Variants in LGR4 observed in about 807,000 individuals in gnomAD.
LGR4 encodes the protein leucine rich repeat containing G protein-coupled receptor 4.
A neutral mutation model predicts 84.8 loss-of-function variants in LGR4; 44 were observed. The ratio of observed to expected loss-of-function variants is 0.52; its 90% confidence interval spans 0.41 to 0.67. The LOEUF (loss-of-function observed/expected upper bound fraction) is 0.67. LGR4 is among the 30% of genes least tolerant of loss of function. The probability of loss-of-function intolerance (pLI) is 0.00; values close to 1 mark genes in which losing one functional copy is unlikely to be tolerated. For missense variants in LGR4, 1,032 were observed against 1,131.4 expected (o/e 0.91, Z 1.26); for synonymous variants, 429 against 434.3 (o/e 0.99, Z 0.15).
intron 1 of LGR4, among the ~76,000 whole-genome samples, chr11:27,443,777 T>A (rs1368364353): frequency 2.6e-5 from 4 of 152,140 alleles, no homozygotes; most frequent in Non-Finnish European, 5.9e-5. Context: ...CATCACAACA[T>A]CCTTGTGGTA....
intron 1 of LGR4, among the ~76,000 whole-genome samples, chr11:27,416,048 C>G (rs1410511038): frequency 6.6e-6 from 1 of 152,080 alleles, no homozygotes; most frequent in Non-Finnish European, 1.5e-5. Flanking sequence ...GAATTTTCAG[C>G]CAGAAGATGC....
intron 1 of LGR4, among the ~76,000 whole-genome samples, chr11:27,463,603 T>G (rs935224971): frequency 6.6e-6 from 1 of 151,932 alleles, no homozygotes; most frequent in African/African-American, 2.4e-5. Context: ...CTGGCCAACA[T>G]GGTGAAACCC....
chr11:27,434,600 C>A (rs1864175304), intron 1 of LGR4, among the ~76,000 whole-genome samples: 1 of 152,128 alleles, frequency 6.6e-6, no homozygotes. Context: ...GAAGCCCCTG[C>A]CTTGCCAGAG....
chr11:27,458,280 C>T (rs371015694), intron 1 of LGR4, among the ~76,000 whole-genome samples: 3 of 152,034 alleles, frequency 2.0e-5, no homozygotes, highest in Non-Finnish European at 2.9e-5. Context: ...GGCAAAACTA[C>T]ATAAAGTGAG....
intron 1 of LGR4, among the ~76,000 whole-genome samples, chr11:27,425,338 GT>G (rs59946931): frequency 1.7e-4 from 23 of 136,766 alleles, no homozygotes; most frequent in South Asian, 7.0e-4. Flanking sequence ...TTTTTTTTTT[GT>G]TTTTTTTTTT....
intron 1 of LGR4, among the ~76,000 whole-genome samples, chr11:27,438,039 G>A (rs986684742): frequency 4.6e-5 from 7 of 151,976 alleles, no homozygotes; most frequent in Admixed American, 4.6e-4. Context: ...AAAAGACATA[G>A]AAACCATAGA....
At chr11:27,376,160 G>GAC in intron 13 of LGR4, 139 bp downstream of exon 13, 1 of 572,958 alleles carries the variant, frequency 1.7e-6, no homozygotes, top group Admixed American at 2.9e-5. Flanking sequence ...GTATTTAGTA[G>GAC]AGATGGGGTT....
Position 27,368,632 on chromosome 11 carries a change from A to T in LGR4, c.2091T>A (p.Pro697=), listed in dbSNP as rs777415284. ...ATCCTAATGATGGCGTTTCACCTGT[A>T]GGAAATGGCAAACAAAGGGGTGATG... ...YSASPLCLPF[P]TGETPSLGFT... Residue 697 remains proline (P), a synonymous_variant, in exon 18 of 18, where the codon CCT becomes CCA. Transcript: ENST00000379214. 6.2e-7 allele frequency: 1 copy of T among 1,614,000 alleles called. No individual in the cohort carries two copies. Among genetic ancestry groups the T allele is most frequent in the Non-Finnish European group, 8.5e-7 (1 of 1,179,984 alleles).
chr11:27,367,740 C>A lies in LGR4; in HGVS notation c.*127G>T. The A allele has an allele frequency of 1.5e-6, 1 of 651,378 alleles. No homozygotes were observed. The highest frequency in any genetic ancestry group is 2.6e-6 in the Non-Finnish European group (1 of 390,032). The allele number at this position is 651,378 out of a possible 1,614,324, so 40.3% of individuals were successfully genotyped here. On this transcript the variant is annotated 3_prime_UTR_variant, in exon 18 of 18. Transcript: ENST00000379214. ...ACTGGTTTGAGAAATAAACTGCCAC[C>A]TCTCCTTCTTCTAAGTGACACCAGG...
intron 15 of LGR4, 94 bp from the exon 16 acceptor site, chr11:27,372,492 C>A: frequency 1.3e-6 from 1 of 761,428 alleles, no homozygotes; most frequent in Non-Finnish European, 2.3e-6. Flanking sequence ...AAACCTCAGC[C>A]TAGGAGTCAG....
At chr11:27,433,387 A>C (rs180704627) in intron 1 of LGR4, among the ~76,000 whole-genome samples, 13 of 119,072 alleles carry the variant, frequency 1.1e-4, no homozygotes, top group East Asian at 5.2e-4. Flanking sequence ...CGGCTAATTT[A>C]TTTTTATTTC....
At position 27,378,677 on chromosome 11, in the gene LGR4, G is replaced by A. The variant is rs778873919; in HGVS notation, c.1043+20C>T. 1 of 1,518,014 alleles carries A rather than the reference G, an allele frequency of 6.6e-7. No homozygotes were observed. Among genetic ancestry groups the A allele is most frequent in the Non-Finnish European group, 9.1e-7 (1 of 1,095,036 alleles). The allele number at this position is 1,518,014 out of a possible 1,614,324, so 94.0% of individuals were successfully genotyped here. ...TATAAACAAAAGGTATGAGGGGAAG[G>A]GAAGAAGAATCCAACTTACAAAGTC... On this transcript the variant is annotated intron_variant, in intron 11 of 17. Transcript: ENST00000379214.
chr11:27,437,007 T>A (rs1864223683), intron 1 of LGR4, among the ~76,000 whole-genome samples: 1 of 152,104 alleles, frequency 6.6e-6, no homozygotes, highest in Non-Finnish European at 1.5e-5. Flanking sequence ...TAGTTTTAAT[T>A]TCAAAAAATC....
At chr11:27,444,686 A>C (rs1027277540) in intron 1 of LGR4, among the ~76,000 whole-genome samples, 1 of 152,246 alleles carries the variant, frequency 6.6e-6, no homozygotes, top group African/African-American at 2.4e-5. Flanking sequence ...AAATATCCAT[A>C]GCCTAATTAA....
chr11:27,392,280 AG>A (rs1226390149), intron 3 of LGR4, among the ~76,000 whole-genome samples, 166 bp downstream of exon 3: 3 of 152,148 alleles, frequency 2.0e-5, no homozygotes, highest in Non-Finnish European at 4.4e-5. Context: ...ATCTAGATGC[AG>A]GGTTGCCTAA....
intron 1 of LGR4, among the ~76,000 whole-genome samples, chr11:27,419,338 T>A (rs896964350): frequency 2.0e-5 from 3 of 151,742 alleles, no homozygotes; most frequent in Middle Eastern, 3.2e-3. Flanking sequence ...ACGAAGGAAA[T>A]GCAAATCAGA....
At chr11:27,374,100 C>A (rs1055908844) in intron 13 of LGR4, 54 bp from the exon 14 acceptor site, 29 of 1,070,526 alleles carry the variant, frequency 2.7e-5, no homozygotes, top group Non-Finnish European at 3.6e-5. Flanking sequence ...CAGAATGCCA[C>A]TTACTTAGAC....
chr11:27,412,672 C>T, intron 2 of LGR4, 117 bp downstream of exon 2: 1 of 745,732 alleles, frequency 1.3e-6, no homozygotes, highest in Non-Finnish European at 2.4e-6. Context: ...ACAAAGCCCA[C>T]TGAAATTAAG....
chr11:27,468,564 T>C (rs1281008898), intron 1 of LGR4, among the ~76,000 whole-genome samples: 1 of 152,194 alleles, frequency 6.6e-6, no homozygotes, highest in Non-Finnish European at 1.5e-5. Flanking sequence ...GAGAGGATCA[T>C]AACCTTATTG....
Sources: gnomAD v4.1 joint callset for allele counts (sites outside exome capture counted in the v4.1 genomes callset) on GRCh38, gnomAD v4.1.1 for gene constraint, MANE v1.5 for transcripts, NCBI Gene and HGNC (gene_info 2026-07-23, HGNC 2026-07-21) for gene names.